The following WWC1 variants were observed in gnomAD, a reference collection of about 807,000 sequenced individuals.
The protein encoded by WWC1 is WW and C2 domain containing 1.
WWC1 carries 55 observed loss-of-function variants against 138.4 expected under a neutral mutation model. The observed-to-expected ratio is 0.40, with a 90% CI of 0.32 to 0.50. WWC1 has a LOEUF of 0.50. WWC1 is among the 20% of genes least tolerant of loss of function. The pLI is 0.72. For missense variants in WWC1, 1,226 were observed against 1,420.4 expected (o/e 0.86, Z 2.20); for synonymous variants, 524 against 564.9 (o/e 0.93, Z 1.03).
intron 1 of WWC1, among the ~76,000 whole-genome samples, chr5:168,296,497 G>A (rs1376100055): frequency 1.3e-5 from 2 of 152,122 alleles, no homozygotes; most frequent in Admixed American, 1.3e-4. Flanking sequence ...CTAGAGAAAA[G>A]GTTTTTGCAC....
chr5:168,373,914 C>T (rs867346606), intron 2 of WWC1, among the ~76,000 whole-genome samples: 4 of 151,374 alleles, frequency 2.6e-5, no homozygotes, highest in African/African-American at 9.7e-5. Context: ...GGCGTGGTGG[C>T]GGGCATCTGT....
intron 3 of WWC1, among the ~76,000 whole-genome samples, chr5:168,394,704 C>T (rs1179017427): frequency 2.0e-5 from 3 of 151,984 alleles, no homozygotes; most frequent in Non-Finnish European, 4.4e-5. Flanking sequence ...CCAGCCTGGG[C>T]AACAGAGGGA....
intron 1 of WWC1, among the ~76,000 whole-genome samples, chr5:168,359,246 G>A (rs1775702333): frequency 6.6e-6 from 1 of 152,056 alleles, no homozygotes; most frequent in Admixed American, 6.6e-5. Context: ...GAGAGACAGG[G>A]TTCCACCATG....
At chr5:168,322,560 T>C (rs1772203914) in intron 1 of WWC1, among the ~76,000 whole-genome samples, 1 of 152,244 alleles carries the variant, frequency 6.6e-6, no homozygotes. Context: ...TGTAAACTGC[T>C]TTATCCTCAG....
rs11279828 is a variant in WWC1, at chr5:168,431,457, T to TCTGGCTGGCTGGCTGG, written c.2280+45_2280+60dup. The TCTGGCTGGCTGGCTGG allele has an allele frequency of 1.1e-5, 15 of 1,414,450 alleles. No individual in the cohort carries two copies. The highest frequency in any genetic ancestry group is 2.0e-4 in the Middle Eastern group (1 of 4,994). 87.6% of individuals were successfully genotyped at this position (1,414,450 alleles called of 1,614,324 possible). A position where few individuals can be genotyped will look rare whatever the true frequency, so the allele number is the denominator to read the frequency against. On this transcript the variant is annotated intron_variant, in intron 15 of 22. Transcript: ENST00000265293. ...GGAAGAGTGCCTGGTAAGGGCCGTG[T>TCTGGCTGGCTGGCTGG]CTGGCTGGCTGGCTGGCTGGCTGGC...
At chr5:168,324,446 A>G (rs1317844778) in intron 1 of WWC1, among the ~76,000 whole-genome samples, 1 of 152,202 alleles carries the variant, frequency 6.6e-6, no homozygotes, top group East Asian at 1.9e-4. Flanking sequence ...AAAAAAATAA[A>G]TAAATTTTTC....
At chr5:168,334,633 T>TA (rs1399680170) in intron 1 of WWC1, among the ~76,000 whole-genome samples, 1 of 152,222 alleles carries the variant, frequency 6.6e-6, no homozygotes, top group East Asian at 1.9e-4. Context: ...CTGCCTTCTC[T>TA]ACTGCACTGC....
At chr5:168,359,759 ACT>A (rs1163722334) in intron 1 of WWC1, among the ~76,000 whole-genome samples, 6 of 152,104 alleles carry the variant, frequency 3.9e-5, no homozygotes, top group African/African-American at 1.4e-4. Context: ...GAAAAATAAA[ACT>A]CTGGTATTCC....
chr5:168,467,717 C>T (rs1271188788), intron 21 of WWC1, 123 bp from the exon 22 acceptor site: 2 of 1,379,336 alleles, frequency 1.4e-6, no homozygotes, highest in Non-Finnish European at 2.0e-6. Context: ...GAAGTGGATC[C>T]CACATGGAGC....
intron 8 of WWC1, chr5:168,414,082 C>T (rs1254759441): frequency 1.8e-5 from 8 of 435,572 alleles, no homozygotes; most frequent in Non-Finnish European, 2.9e-5. Context: ...GATGAATCCA[C>T]ATCTCTATTG....
intron 15 of WWC1, among the ~76,000 whole-genome samples, chr5:168,434,095 C>T (rs1782153294): frequency 6.6e-6 from 1 of 152,252 alleles, no homozygotes; most frequent in African/African-American, 2.4e-5. Flanking sequence ...TGGGCTCCTC[C>T]AGCGAAGCAT....
chr5:168,319,611 C>T (rs1488220165), intron 1 of WWC1, among the ~76,000 whole-genome samples: 1 of 152,130 alleles, frequency 6.6e-6, no homozygotes, highest in Non-Finnish European at 1.5e-5. Context: ...AGTGATCCTC[C>T]AGCCTCAGCC....
intron 1 of WWC1, among the ~76,000 whole-genome samples, chr5:168,356,467 G>A (rs1162571248): frequency 1.3e-5 from 2 of 152,236 alleles, no homozygotes; most frequent in African/African-American, 2.4e-5. Flanking sequence ...ATCGGTGTCA[G>A]GCAAGAGTCT....
intron 21 of WWC1, 59 bp downstream of exon 21, chr5:168,465,021 A>AC: frequency 6.3e-7 from 1 of 1,578,402 alleles, no homozygotes; most frequent in South Asian, 1.2e-5. Flanking sequence ...GTCGGGGGGC[A>AC]CTGCCCCGGG....
At chr5:168,445,186 C>T (rs533584086) in intron 17 of WWC1, among the ~76,000 whole-genome samples, 83 of 151,852 alleles carry the variant, frequency 5.5e-4, no homozygotes, top group African/African-American at 1.9e-3. Context: ...TGGTGGGGCA[C>T]GCCTGTAATC....
intron 8 of WWC1, chr5:168,414,090 T>C (rs1780412417): frequency 2.2e-6 from 1 of 461,456 alleles, no homozygotes; most frequent in African/African-American, 2.0e-5. Flanking sequence ...CACATCTCTA[T>C]TGTACCAGGA....
rs181294917 is a variant in WWC1 at position 168,392,632 on chromosome 5, A to G, written c.434-5092A>G. On this transcript the variant is annotated intron_variant, in intron 3 of 22. Transcript: ENST00000265293. ...TCCCTGAGTCCAGGAGTTCAAGGTT[A>G]CAGTGAGCTATGATTGTGTACATTG... Among the ~76,000 whole-genome samples the G allele has an allele frequency of 1.1e-4, 16 of 152,312 alleles. No individual in the cohort carries two copies. The East Asian group carries it at 2.1e-3, about 20-fold the overall frequency.
chr5:168,332,453 A>G (rs1169529180), intron 1 of WWC1, among the ~76,000 whole-genome samples: 2 of 152,214 alleles, frequency 1.3e-5, no homozygotes, highest in East Asian at 3.8e-4. Context: ...AATTCTGTTT[A>G]TAAGTGATAC....
At chr5:168,305,821 GT>G (rs1770508976) in intron 1 of WWC1, among the ~76,000 whole-genome samples, 1 of 152,126 alleles carries the variant, frequency 6.6e-6, no homozygotes, top group African/African-American at 2.4e-5. Flanking sequence ...AAAGATTCTG[GT>G]TTACTTGGTC....
Sources: allele counts gnomAD v4.1 joint callset (sites outside exome capture counted in the v4.1 genomes callset), GRCh38; gene constraint gnomAD v4.1.1; transcripts MANE v1.5; gene names NCBI Gene and HGNC (gene_info 2026-07-23, HGNC 2026-07-21).